Variants in FAM151B observed in about 807,000 individuals in gnomAD.
FAM151B encodes the protein protein FAM151B.
A neutral mutation model predicts 31.2 loss-of-function variants in FAM151B; 24 were observed. The ratio of observed to expected loss-of-function variants is 0.77; its 90% CI spans 0.56 to 1.08. FAM151B has a LOEUF of 1.08. FAM151B is among the 50% of genes least tolerant of loss of function. The pLI is 0.00. For synonymous variants in FAM151B, 105 were observed against 111.4 expected (o/e 0.94, Z 0.36); for missense variants, 293 against 328.6 (o/e 0.89, Z 0.84).
chr5:80,519,286 T>C (rs1175283869), intron 3 of FAM151B, among the ~76,000 whole-genome samples: 1 of 152,208 alleles, frequency 6.6e-6, no homozygotes, highest in Non-Finnish European at 1.5e-5. Context: ...TGGATCCACT[T>C]GGGTATTTCA....
chr5:80,524,269 A>G (rs1744852100), intron 5 of FAM151B, among the ~76,000 whole-genome samples: 1 of 152,066 alleles, frequency 6.6e-6, no homozygotes, highest in African/African-American at 2.4e-5. Flanking sequence ...AGCCCAGCCT[A>G]TATTCCATTT....
intron 1 of FAM151B, among the ~76,000 whole-genome samples, chr5:80,489,620 A>C (rs1743237995): frequency 6.6e-6 from 1 of 152,208 alleles, no homozygotes; most frequent in South Asian, 2.1e-4. Flanking sequence ...GACAAATGCC[A>C]TTTTTTAAAA....
intron 5 of FAM151B, among the ~76,000 whole-genome samples, chr5:80,523,643 A>C (rs777067181): frequency 6.6e-6 from 1 of 152,200 alleles, no homozygotes; most frequent in South Asian, 2.1e-4. Flanking sequence ...TATGTTATAG[A>C]TAATGCAGGA....
intron 1 of FAM151B, among the ~76,000 whole-genome samples, chr5:80,495,999 T>C (rs1743524962): frequency 1.3e-5 from 2 of 152,234 alleles, no homozygotes; most frequent in Non-Finnish European, 2.9e-5. Context: ...TGTAATCTAC[T>C]TCTGGTGAAG....
chr5:80,502,211 T>A (rs1216105521), intron 2 of FAM151B, among the ~76,000 whole-genome samples: 2 of 152,070 alleles, frequency 1.3e-5, no homozygotes, highest in Non-Finnish European at 2.9e-5. Context: ...GGCTGAACAT[T>A]TTTATAAAGT....
chr5:80,520,962 G>A (rs532322497), intron 4 of FAM151B, among the ~76,000 whole-genome samples: 1 of 149,258 alleles, frequency 6.7e-6, no homozygotes, highest in Non-Finnish European at 1.5e-5. Context: ...GATTACAGGC[G>A]CCACCACGCC....
intron 5 of FAM151B, among the ~76,000 whole-genome samples, chr5:80,537,221 C>T (rs868025430): frequency 1.3e-5 from 2 of 152,124 alleles, no homozygotes; most frequent in Non-Finnish European, 1.5e-5. Context: ...CAATTCCTGT[C>T]GCTCCTGGAC....
At chr5:80,502,586 A>G (rs1328414431) in intron 2 of FAM151B, among the ~76,000 whole-genome samples, 6 of 152,198 alleles carry the variant, frequency 3.9e-5, no homozygotes, top group Non-Finnish European at 8.8e-5. Context: ...ATACAGATGA[A>G]CATTATAGCA....
At chr5:80,504,514 C>A (rs1171382192) in intron 2 of FAM151B, among the ~76,000 whole-genome samples, 2 of 58,716 alleles carry the variant, frequency 3.4e-5, no homozygotes, top group African/African-American at 1.4e-4. Flanking sequence ...GACTATTACT[C>A]TTTTTTTTTT....
chr5:80,512,674 C>T (rs1744234666), intron 2 of FAM151B, among the ~76,000 whole-genome samples: 1 of 151,038 alleles, frequency 6.6e-6, no homozygotes, highest in Admixed American at 6.6e-5. Context: ...CCTAGCTACT[C>T]AGGAAGCTGA....
intron 2 of FAM151B, among the ~76,000 whole-genome samples, chr5:80,507,882 G>C (rs1744033262): frequency 6.6e-6 from 1 of 152,076 alleles, no homozygotes; most frequent in African/African-American, 2.4e-5. Flanking sequence ...TCCTCCTTGG[G>C]CTGTCACACA....
intron 5 of FAM151B, among the ~76,000 whole-genome samples, chr5:80,537,112 T>C (rs1337597616): frequency 6.6e-6 from 1 of 152,262 alleles, no homozygotes; most frequent in Non-Finnish European, 1.5e-5. Context: ...GATCATTACA[T>C]AGTACATGCC....
intron 5 of FAM151B, among the ~76,000 whole-genome samples, chr5:80,525,226 A>G (rs1225032399): frequency 1.3e-5 from 2 of 152,228 alleles, no homozygotes; most frequent in Non-Finnish European, 2.9e-5. Context: ...GAAGATAGCA[A>G]TATCCCATCT....
At chr5:80,501,091 G>A (rs1221286284) in intron 1 of FAM151B, 11 of 399,792 alleles carry the variant, frequency 2.8e-5, no homozygotes, top group South Asian at 1.9e-4. Flanking sequence ...TCAGCTCACT[G>A]CAACCTCTGC....
intron 1 of FAM151B, among the ~76,000 whole-genome samples, chr5:80,494,468 C>CTTTCTTTCT (rs1743444905): frequency 4.6e-5 from 2 of 43,576 alleles, no homozygotes; most frequent in Non-Finnish European, 1.0e-4. Context: ...TTCTTTCTTT[C>CTTTCTTTCT]TTTCTTTCTT....
At chr5:80,502,643 G>A (rs891028954) in intron 2 of FAM151B, among the ~76,000 whole-genome samples, 4 of 152,152 alleles carry the variant, frequency 2.6e-5, no homozygotes, top group African/African-American at 9.7e-5. Flanking sequence ...GGCTGCAGCA[G>A]GAAAGGAGAA....
intron 3 of FAM151B, among the ~76,000 whole-genome samples, chr5:80,517,685 A>G (rs1304190825): frequency 6.6e-6 from 1 of 152,236 alleles, no homozygotes; most frequent in African/African-American, 2.4e-5. Flanking sequence ...TCTTTGTCAT[A>G]GTTCCTTATG....
intron 5 of FAM151B, among the ~76,000 whole-genome samples, chr5:80,524,104 C>T (rs915264437): frequency 1.3e-5 from 2 of 152,012 alleles, no homozygotes; most frequent in African/African-American, 4.8e-5. Flanking sequence ...TTTCAGTTCT[C>T]ATGGAAAACT....
intron 2 of FAM151B, among the ~76,000 whole-genome samples, chr5:80,507,565 C>T (rs1402660351): frequency 6.6e-6 from 1 of 152,106 alleles, no homozygotes; most frequent in African/African-American, 2.4e-5. Context: ...CCTGTAATCC[C>T]AGCTACTTGG....
Sources: allele counts gnomAD v4.1 joint callset (sites outside exome capture counted in the v4.1 genomes callset), GRCh38; gene constraint gnomAD v4.1.1; transcripts MANE v1.5; gene names NCBI Gene and HGNC (gene_info 2026-07-23, HGNC 2026-07-21).